The following CELF4 variants were observed in gnomAD, a reference collection of about 807,000 sequenced individuals.
The protein encoded by CELF4 is CUGBP Elav-like family member 4.
Under a neutral mutation model 59.9 loss-of-function variants are expected in CELF4, and 18 were observed. That is an observed-to-expected ratio of 0.30 (90% CI 0.21 to 0.45). The LOEUF (loss-of-function observed/expected upper bound fraction) is 0.45. Among genes scored for constraint, CELF4 ranks in the 20% least tolerant of loss-of-function variants. CELF4 has a pLI of 1.00. For missense variants in CELF4, 456 were observed against 689.0 expected (o/e 0.66, Z 3.79); for synonymous variants, 261 against 267.1 (o/e 0.98, Z 0.22).
chr18:37,513,941 C>CGTGTGT (rs5824070), intron 1 of CELF4, among the ~76,000 whole-genome samples: 73 of 144,344 alleles, frequency 5.1e-4, no homozygotes, highest in East Asian at 1.7e-3. Flanking sequence ...TGTGTGGTGC[C>CGTGTGT]GTGTGTGTGT....
chr18:37,334,766 C>T (rs2097702129), intron 2 of CELF4, among the ~76,000 whole-genome samples: 1 of 151,748 alleles, frequency 6.6e-6, no homozygotes. Context: ...GCTCCCGGGC[C>T]TCAATCTTAG....
At chr18:37,344,670 T>A (rs1446116807) in intron 2 of CELF4, among the ~76,000 whole-genome samples, 1 of 152,226 alleles carries the variant, frequency 6.6e-6, no homozygotes, top group Non-Finnish European at 1.5e-5. Flanking sequence ...TCTGTATTTT[T>A]CATCATGTCT....
chr18:37,306,275 C>G (rs1359239082), intron 3 of CELF4: 1 of 152,292 alleles, frequency 6.6e-6, no homozygotes, highest in African/African-American at 2.4e-5. Flanking sequence ...GCCAGATCTG[C>G]CTTCCGGCAA....
At chr18:37,397,227 G>A (rs1305432529) in intron 2 of CELF4, among the ~76,000 whole-genome samples, 1 of 152,178 alleles carries the variant, frequency 6.6e-6, no homozygotes, top group Middle Eastern at 3.2e-3. Flanking sequence ...ACTCCTTGCG[G>A]TGCTTGCACA....
In CELF4 at chr18:37,283,290, T is replaced by A. The variant is rs73948863; in HGVS notation, c.449-8047A>T. On this transcript the variant is annotated intron_variant, in intron 3 of 12. Coordinates refer to ENST00000420428, the MANE Select transcript of CELF4 (RefSeq NM_020180.4). ...TGACACCCACCAAGCCCCTGCTGTC[T>A]GCTCTCCACAAAACAGCAGAGGGGG... Among the ~76,000 whole-genome samples the A allele has an allele frequency of 8.0e-3, 1,210 of 152,158 alleles. 15 individuals carry two copies. Among genetic ancestry groups the A allele is most frequent in the African/African-American group, 0.027 (1,135 of 41,492 alleles).
chr18:37,279,191 C>T (rs746863736), intron 3 of CELF4, among the ~76,000 whole-genome samples: 8 of 152,236 alleles, frequency 5.3e-5, no homozygotes, highest in Middle Eastern at 3.4e-3. Context: ...TTCCCATAGT[C>T]GGGGTATTGG....
intron 2 of CELF4, among the ~76,000 whole-genome samples, chr18:37,407,715 T>C (rs2099399639): frequency 6.6e-6 from 1 of 152,082 alleles, no homozygotes; most frequent in Admixed American, 6.5e-5. Context: ...TCTGGTTTAA[T>C]ATACGAAGTG....
intron 1 of CELF4, among the ~76,000 whole-genome samples, chr18:37,552,308 G>A (rs2099983459): frequency 1.3e-5 from 2 of 152,240 alleles, no homozygotes; most frequent in African/African-American, 4.8e-5. Flanking sequence ...CATGAGGGAG[G>A]CCTATGTCTC....
intron 2 of CELF4, among the ~76,000 whole-genome samples, chr18:37,477,464 G>C (rs2099853281): frequency 6.6e-6 from 1 of 152,168 alleles, no homozygotes; most frequent in African/African-American, 2.4e-5. Context: ...GAATCTTGTG[G>C]GTGACAGAAG....
At chr18:37,261,177 AC>A (rs1271639374) in intron 10 of CELF4, among the ~76,000 whole-genome samples, 3 of 151,582 alleles carry the variant, frequency 2.0e-5, no homozygotes, top group African/African-American at 7.3e-5. Flanking sequence ...TTTCTCTCCA[AC>A]CAGACTGGCT....
intron 2 of CELF4, among the ~76,000 whole-genome samples, chr18:37,372,359 T>C (rs2098905060): frequency 6.6e-6 from 1 of 152,194 alleles, no homozygotes; most frequent in South Asian, 2.1e-4. Context: ...GAAACCATCA[T>C]TCTGAGCAAA....
chr18:37,521,520 G>T (rs2099957402), intron 1 of CELF4, among the ~76,000 whole-genome samples: 1 of 152,126 alleles, frequency 6.6e-6, no homozygotes, highest in Non-Finnish European at 1.5e-5. Flanking sequence ...TAATATTAAA[G>T]ATTTTCTGTC....
intron 2 of CELF4, among the ~76,000 whole-genome samples, chr18:37,401,539 C>A (rs1410845058): frequency 3.3e-5 from 5 of 152,126 alleles, no homozygotes; most frequent in Non-Finnish European, 7.4e-5. Context: ...ATCATTTGGT[C>A]CTCAGAACAG....
chr18:37,395,060 C>T (rs1022055950), intron 2 of CELF4, among the ~76,000 whole-genome samples: 6 of 151,912 alleles, frequency 3.9e-5, no homozygotes, highest in East Asian at 1.9e-4. Context: ...GTCCAAGGCC[C>T]GTGGCCATGG....
intron 10 of CELF4, among the ~76,000 whole-genome samples, chr18:37,259,555 C>A (rs1032337321): frequency 2.0e-5 from 3 of 152,172 alleles, no homozygotes; most frequent in African/African-American, 7.2e-5. Flanking sequence ...AACCCTAGGG[C>A]TCCAGAGGCG....
intron 2 of CELF4, among the ~76,000 whole-genome samples, chr18:37,463,606 C>T (rs763117473): frequency 1.2e-4 from 18 of 152,304 alleles, no homozygotes; most frequent in Admixed American, 6.5e-4. Flanking sequence ...CCCCTGTTCC[C>T]TCCTGGACCC....
chr18:37,315,521 C>G (rs995658213), intron 3 of CELF4, among the ~76,000 whole-genome samples: 1 of 152,082 alleles, frequency 6.6e-6, no homozygotes, highest in Non-Finnish European at 1.5e-5. Flanking sequence ...AAGACCGTCC[C>G]CACCTCCTAG....
In CELF4 at chr18:37,408,492, C is replaced by CG. The variant is rs200662747; in HGVS notation, c.369+77032dup. Among the ~76,000 whole-genome samples, 72 of 112,294 alleles carry CG rather than the reference C, an allele frequency of 6.4e-4. 5 individuals carry two copies. Among genetic ancestry groups the CG allele is most frequent in the African/African-American group, 2.7e-3 (70 of 26,306 alleles). 73.7% of individuals were successfully genotyped at this position (112,294 alleles called of 152,430 possible). A position where few individuals can be genotyped will look rare whatever the true frequency, so the allele number is the denominator to read the frequency against. ...TTTTTTTTCCCCCTTTGGTTGGTGCCGGGGGGGGGCGCGGTGCAGGAGGAT... is the reference window on the plus strand; with the variant it reads ...TTTTTTTTCCCCCTTTGGTTGGTGCCGGGGGGGGGGCGCGGTGCAGGAGGAT... On this transcript the variant is annotated intron_variant, in intron 2 of 12. Transcript: ENST00000420428.
intron 1 of CELF4, among the ~76,000 whole-genome samples, chr18:37,560,667 TA>T (rs2099986266): frequency 6.6e-6 from 1 of 152,222 alleles, no homozygotes; most frequent in Non-Finnish European, 1.5e-5. Context: ...TTTTTCAAAG[TA>T]ATTAAAAAAA....
Sources: allele counts gnomAD v4.1 joint callset (sites outside exome capture counted in the v4.1 genomes callset), GRCh38; gene constraint gnomAD v4.1.1; transcripts MANE v1.5; gene names NCBI Gene and HGNC (gene_info 2026-07-23, HGNC 2026-07-21).